The following WDR41 variants were observed in gnomAD, a reference collection of about 807,000 sequenced individuals.
WDR41 encodes WD repeat domain 41, also known as WD repeat-containing protein 41.
A neutral mutation model predicts 69.3 loss-of-function variants in WDR41; 63 were observed. The ratio of observed to expected loss-of-function variants is 0.91; its 90% CI spans 0.74 to 1.12. The LOEUF is 1.12. Ranked by LOEUF, WDR41 falls within the 50% of genes most tolerant of loss-of-function variation. WDR41 has a pLI of 0.00. For missense variants in WDR41, 543 were observed against 534.5 expected, an observed-to-expected ratio of 1.02 and a Z score of -0.16; for synonymous variants, 185 against 192.1, an observed-to-expected ratio of 0.96 and a Z score of 0.31.
rs537337720 is a variant in WDR41, at chr5:77,585,127, GAAA to G, written c.42+35349_42+35351del. Reference sequence around the variant, plus strand: ...ACAACAAACTTAAACAAATCAGTAAGAAAAAAAAAAAGAACCCATCAAAAAGTG... The same window carrying G: ...ACAACAAACTTAAACAAATCAGTAAGAAAAAAAAGAACCCATCAAAAAGTG... On this transcript the variant is annotated intron_variant, in intron 1 of 5. Transcript: ENST00000509971. Among the ~76,000 whole-genome samples, 224 of 138,032 alleles carry G rather than the reference GAAA, an allele frequency of 1.6e-3. 2 individuals carry two copies. The highest frequency in any genetic ancestry group is 5.8e-3 in the African/African-American group (220 of 37,664). 90.6% of individuals were successfully genotyped at this position (138,032 alleles called of 152,430 possible).
At chr5:77,435,936 C>T (rs1798921902) in intron 12 of WDR41, among the ~76,000 whole-genome samples, 2 of 152,232 alleles carry the variant, frequency 1.3e-5, no homozygotes, top group Admixed American at 1.3e-4. Flanking sequence ...CATATAACCA[C>T]AACCCTTCAT....
chr5:77,608,642 C>T (rs866074624), intron 1 of WDR41, among the ~76,000 whole-genome samples: 21 of 152,298 alleles, frequency 1.4e-4, no homozygotes, highest in South Asian at 4.1e-4. Flanking sequence ...GTACCTAATT[C>T]CATTTAAAAG....
intron 1 of WDR41, among the ~76,000 whole-genome samples, chr5:77,497,767 A>T (rs1801956540): frequency 6.6e-6 from 1 of 152,228 alleles, no homozygotes; most frequent in Admixed American, 6.5e-5. Flanking sequence ...AGGAAATGAA[A>T]GCAAGGACTC....
chr5:77,548,449 C>T (rs1743238316), intron 1 of WDR41, among the ~76,000 whole-genome samples: 1 of 152,046 alleles, frequency 6.6e-6, no homozygotes, highest in South Asian at 2.1e-4. Context: ...AAAACAATCT[C>T]ATCAAAAAGT....
At chr5:77,473,835 A>G (rs1581740103) in intron 2 of WDR41, among the ~76,000 whole-genome samples, 1 of 152,204 alleles carries the variant, frequency 6.6e-6, no homozygotes, top group South Asian at 2.1e-4. Flanking sequence ...GAACACTTTT[A>G]CACTGTTGGT....
In WDR41 at chr5:77,583,628, A is replaced by T. The variant is rs139676996; in HGVS notation, c.42+36851T>A. Among the ~76,000 whole-genome samples, 462 of 152,238 alleles carry T rather than the reference A, an allele frequency of 3.0e-3. 6 individuals carry two copies. The highest frequency in any genetic ancestry group is 0.01 in the African/African-American group (432 of 41,558). ...TATATCCATAATAATTAAAAATTTT[A>T]AAAAACTACCAACAGTGAAACTCCC... is the stretch of plus-strand genomic sequence containing the variant. On this transcript the variant is annotated intron_variant, in intron 1 of 5. Coordinates refer to the WDR41 transcript ENST00000509971.
At chr5:77,469,414 C>G (rs1047835886) in intron 2 of WDR41, among the ~76,000 whole-genome samples, 19 of 152,176 alleles carry the variant, frequency 1.2e-4, no homozygotes, top group African/African-American at 4.8e-5. Flanking sequence ...CCAGATTTTG[C>G]TGACTACTTT....
intron 1 of WDR41, among the ~76,000 whole-genome samples, chr5:77,584,057 A>G (rs2112295928): frequency 6.6e-6 from 1 of 152,294 alleles, no homozygotes; most frequent in Non-Finnish European, 1.5e-5. Flanking sequence ...TGATAAAGAC[A>G]CTCAACAGAC....
chr5:77,562,553 T>C (rs1450653886), intron 1 of WDR41, among the ~76,000 whole-genome samples: 1 of 152,226 alleles, frequency 6.6e-6, no homozygotes, highest in Non-Finnish European at 1.5e-5. Flanking sequence ...AATTCTGTTA[T>C]TTAATGATGT....
chr5:77,476,602 A>G (rs919235662), intron 2 of WDR41, among the ~76,000 whole-genome samples: 1 of 151,562 alleles, frequency 6.6e-6, no homozygotes, highest in Non-Finnish European at 1.5e-5. Flanking sequence ...GAAATAAAAT[A>G]CTTTACAGAC....
intron 1 of WDR41, among the ~76,000 whole-genome samples, chr5:77,526,713 A>G (rs1802452054): frequency 6.6e-6 from 1 of 152,150 alleles, no homozygotes; most frequent in Non-Finnish European, 1.5e-5. Flanking sequence ...CCAGTCTATT[A>G]AAATTACATA....
chr5:77,496,444 A>T (rs540854037), upstream of WDR41, among the ~76,000 whole-genome samples: 1 of 152,240 alleles, frequency 6.6e-6, no homozygotes, highest in Admixed American at 6.5e-5. Flanking sequence ...TACAAAAAAA[A>T]TTAGTGTTGT....
At chr5:77,541,032 T>C (rs1252797793) in intron 1 of WDR41, among the ~76,000 whole-genome samples, 4 of 152,166 alleles carry the variant, frequency 2.6e-5, no homozygotes, top group African/African-American at 9.7e-5. Context: ...GAAAAGAAAT[T>C]GAGAAAGTTT....
intron 1 of WDR41, among the ~76,000 whole-genome samples, chr5:77,612,980 A>G (rs1744593322): frequency 6.6e-6 from 1 of 151,230 alleles, no homozygotes; most frequent in African/African-American, 2.4e-5. Flanking sequence ...AAAAATCACA[A>G]GCATTCTTAT....
chr5:77,473,771 C>G (rs1416762456), intron 2 of WDR41, among the ~76,000 whole-genome samples: 1 of 152,060 alleles, frequency 6.6e-6, no homozygotes, highest in Non-Finnish European at 1.5e-5. Flanking sequence ...GTTAGAATGG[C>G]GATCATTAAA....
At chr5:77,447,448 T>C (rs1189544737) in intron 8 of WDR41, among the ~76,000 whole-genome samples, 2 of 152,162 alleles carry the variant, frequency 1.3e-5, no homozygotes, top group African/African-American at 4.8e-5. Flanking sequence ...ATCATTCTAC[T>C]ACAAAGACAC....
chr5:77,487,295 A>G (rs1476932447), intron 2 of WDR41, among the ~76,000 whole-genome samples: 1 of 152,244 alleles, frequency 6.6e-6, no homozygotes, highest in East Asian at 1.9e-4. Context: ...GCAACTTACT[A>G]GGGTAAAATA....
intron 12 of WDR41, 79 bp downstream of exon 12, chr5:77,436,182 A>G (rs186935652): frequency 1.3e-6 from 2 of 1,543,206 alleles, no homozygotes; most frequent in African/African-American, 2.8e-5. Context: ...ATATGCCTTT[A>G]TGAGATCAAC....
At chr5:77,565,092 C>CAAT (rs1207434334) in intron 1 of WDR41, among the ~76,000 whole-genome samples, 1 of 151,998 alleles carries the variant, frequency 6.6e-6, no homozygotes, top group Non-Finnish European at 1.5e-5. Flanking sequence ...ATGCAGAGCA[C>CAAT]AATAACCTGA....
Sources: allele counts gnomAD v4.1 joint callset (sites outside exome capture counted in the v4.1 genomes callset), GRCh38; gene constraint gnomAD v4.1.1; transcripts MANE v1.5; gene names NCBI Gene and HGNC (gene_info 2026-07-23, HGNC 2026-07-21).